SNX30: variants seen among roughly 807,000 people sequenced by gnomAD.
The protein encoded by SNX30 is sorting nexin-30.
A neutral mutation model predicts 46.4 loss-of-function variants in SNX30; 24 were observed. That is an observed-to-expected ratio of 0.52 (90% CI 0.37 to 0.73). The LOEUF is 0.73. Among genes scored for constraint, SNX30 ranks in the 30% least tolerant of loss-of-function variants. The probability of loss-of-function intolerance (pLI) is 0.00; values close to 1 mark genes in which losing one functional copy is unlikely to be tolerated. For missense variants in SNX30, 533 were observed against 555.7 expected (o/e 0.96, Z 0.41); for synonymous variants, 189 against 211.5 (o/e 0.89, Z 0.92).
chr9:112,836,391 A>G lies in SNX30; in HGVS notation c.796A>G (p.Ile266Val). 6.3e-7 allele frequency: 1 copy of G among 1,594,934 alleles called. No homozygotes were observed. Among genetic ancestry groups the G allele is most frequent in the Non-Finnish European group, 8.6e-7 (1 of 1,163,726 alleles). The change falls in exon 5 of 9, where the codon ATC (isoleucine) becomes GTC (valine). Residue 266 changes from isoleucine to valine, a missense_variant. Coordinates refer to ENST00000374232, the MANE Select transcript of SNX30 (RefSeq NM_001012994.2). ...AACCATTGATCGAATAGCCCAGCGG[A>G]TCATCAAAGAAGAAATAGGTGAGCT... The part of the protein sequence containing the change: ...LGTIDRIAQR[I>V]IKEEIEYLVE...
At chr9:112,848,271 GGCTC>G (rs2131476284) in intron 6 of SNX30, among the ~76,000 whole-genome samples, 1 of 152,086 alleles carries the variant, frequency 6.6e-6, no homozygotes, top group Non-Finnish European at 1.5e-5. Flanking sequence ...CCCCACTGCC[GGCTC>G]GGGCCTCATC....
intron 1 of SNX30, among the ~76,000 whole-genome samples, chr9:112,782,409 C>G (rs1459758547): frequency 1.3e-5 from 2 of 152,192 alleles, no homozygotes; most frequent in African/African-American, 4.8e-5. Flanking sequence ...TGTTTACCTA[C>G]TGTCTATAGC....
At chr9:112,756,745 G>A (rs542291771) in intron 1 of SNX30, among the ~76,000 whole-genome samples, 8 of 152,304 alleles carry the variant, frequency 5.3e-5, no homozygotes, top group Admixed American at 3.3e-4. Flanking sequence ...ACAGGCGTGA[G>A]CCACTGCGCT....
intron 1 of SNX30, among the ~76,000 whole-genome samples, chr9:112,774,653 G>A (rs1003680916): frequency 6.6e-6 from 1 of 152,098 alleles, no homozygotes; most frequent in African/African-American, 2.4e-5. Flanking sequence ...AGCCATTCTA[G>A]TGAGTATGTA....
At chr9:112,790,859 T>C (rs1193378879) in intron 1 of SNX30, among the ~76,000 whole-genome samples, 1 of 152,236 alleles carries the variant, frequency 6.6e-6, no homozygotes, top group African/African-American at 2.4e-5. Context: ...GCCTGACCTA[T>C]TGCCATGAAC....
intron 2 of SNX30, among the ~76,000 whole-genome samples, chr9:112,812,699 T>C (rs545356933): frequency 1.1e-4 from 16 of 152,110 alleles, no homozygotes; most frequent in Non-Finnish European, 1.9e-4. Context: ...AAAAATAGTG[T>C]ATGAGAATGG....
chr9:112,788,500 G>A (rs992782378), intron 1 of SNX30, among the ~76,000 whole-genome samples: 1 of 152,154 alleles, frequency 6.6e-6, no homozygotes, highest in Middle Eastern at 3.2e-3. Flanking sequence ...TGAAGGGGTC[G>A]TTCTAGGCAC....
intron 6 of SNX30, among the ~76,000 whole-genome samples, chr9:112,846,055 C>T (rs1033751803): frequency 5.9e-5 from 9 of 151,376 alleles, no homozygotes; most frequent in African/African-American, 2.2e-4. Context: ...AAATTAAAAC[C>T]ATAATAGGAA....
intron 1 of SNX30, among the ~76,000 whole-genome samples, chr9:112,762,084 C>T (rs1157155082): frequency 1.3e-5 from 2 of 152,118 alleles, no homozygotes; most frequent in African/African-American, 2.4e-5. Context: ...GGCCAACAGG[C>T]GCTGATGCAT....
rs577770167 is a variant in SNX30 at position 112,776,284 on chromosome 9, T to C, written c.156+25127T>C. ...TTTATTGCATTTTATTTTCACTGTG[T>C]CTCCTGAGAGAATTCCTTGGTTTGA... On this transcript the variant is annotated intron_variant, in intron 1 of 8. Coordinates refer to ENST00000374232, the MANE Select transcript of SNX30 (RefSeq NM_001012994.2). Among the ~76,000 whole-genome samples the C allele has an allele frequency of 1.4e-3, 214 of 152,348 alleles. 2 individuals carry two copies. Among genetic ancestry groups the C allele is most frequent in the African/African-American group, 4.6e-3 (192 of 41,584 alleles).
intron 1 of SNX30, among the ~76,000 whole-genome samples, chr9:112,772,562 G>T (rs1839669603): frequency 6.6e-6 from 1 of 152,126 alleles, no homozygotes; most frequent in African/African-American, 2.4e-5. Flanking sequence ...GAGCAAAATG[G>T]TCACATCTTC....
At chr9:112,828,011 T>C (rs926394634) in intron 3 of SNX30, among the ~76,000 whole-genome samples, 5 of 152,218 alleles carry the variant, frequency 3.3e-5, no homozygotes, top group Admixed American at 3.3e-4. Context: ...CACATGATCA[T>C]GCACACGTTC....
intron 1 of SNX30, among the ~76,000 whole-genome samples, chr9:112,787,834 T>C (rs1588115968): frequency 6.6e-6 from 1 of 151,920 alleles, no homozygotes; most frequent in Non-Finnish European, 1.5e-5. Context: ...TCTCGCTCTG[T>C]CGCCCAGGGT....
rs554297490 is a variant in SNX30, at chr9:112,834,580, T to C, written c.619-1634T>C. Among the ~76,000 whole-genome samples the C allele has an allele frequency of 1.1e-4, 16 of 152,234 alleles. No individual in the cohort carries two copies. In the South Asian group the frequency reaches 3.3e-3, roughly 32 times the overall value. ...CTCCACATGTTCAGCTCTCCAGAAG[T>C]TCTCTAAACCCAGCTCTCTTGGGTT... On this transcript the variant is annotated intron_variant, in intron 4 of 8. Coordinates refer to ENST00000374232, the MANE Select transcript of SNX30 (RefSeq NM_001012994.2).
At chr9:112,797,521 A>C (rs1040435753) in intron 1 of SNX30, among the ~76,000 whole-genome samples, 2 of 152,166 alleles carry the variant, frequency 1.3e-5, no homozygotes, top group Admixed American at 1.3e-4. Context: ...ATAATTTTAA[A>C]AGATGAAGAT....
In SNX30 at chr9:112,869,609, A is replaced by G. The variant is rs985585004; in HGVS notation, c.*766A>G. On this transcript the variant is annotated 3_prime_UTR_variant, in exon 9 of 9. Transcript: ENST00000374232. ...CTTTTTGTGTAAAATGAAAAAAACA[A>G]AGTGCTGGTTTTTTTTTTTTTTCTG... 4 of 141,398 alleles carry G rather than the reference A, an allele frequency of 2.8e-5. No homozygotes were observed. The highest frequency in any genetic ancestry group is 9.8e-5 in the African/African-American group (4 of 40,696). The allele number at this position is 141,398 out of a possible 1,614,324, so 8.8% of individuals were successfully genotyped here. A position where few individuals can be genotyped will look rare whatever the true frequency, so the allele number is the denominator to read the frequency against.
chr9:112,794,512 T>C (rs1364430472), intron 1 of SNX30, among the ~76,000 whole-genome samples: 1 of 152,160 alleles, frequency 6.6e-6, no homozygotes, highest in East Asian at 1.9e-4. Flanking sequence ...AGAAAAGTAA[T>C]ATGCAGTCTG....
At chr9:112,836,067 C>A in intron 4 of SNX30, 147 bp from the exon 5 acceptor site, 1 of 727,690 alleles carries the variant, frequency 1.4e-6, no homozygotes, top group Non-Finnish European at 2.2e-6. Context: ...CAGGTTCCTC[C>A]TGTGAATGTG....
intron 1 of SNX30, among the ~76,000 whole-genome samples, chr9:112,796,221 G>A (rs1177160254): frequency 6.6e-6 from 1 of 152,238 alleles, no homozygotes; most frequent in African/African-American, 2.4e-5. Flanking sequence ...CTTTTGTGCA[G>A]TGTCTGTCCA....
Sources: gnomAD v4.1 joint callset for allele counts (sites outside exome capture counted in the v4.1 genomes callset) on GRCh38, gnomAD v4.1.1 for gene constraint, MANE v1.5 for transcripts, NCBI Gene and HGNC (gene_info 2026-07-23, HGNC 2026-07-21) for gene names.